NCAM2: variants seen among roughly 807,000 people sequenced by gnomAD.
The protein encoded by NCAM2 is N-CAM-2.
Under a neutral mutation model 98.1 loss-of-function variants are expected in NCAM2, and 30 were observed. The observed-to-expected ratio is 0.31, with a 90% confidence interval of 0.23 to 0.41. The LOEUF (loss-of-function observed/expected upper bound fraction) is 0.41, where lower values mean the gene tolerates loss of function less well. NCAM2 is among the 10% of genes least tolerant of loss of function. NCAM2 has a pLI of 1.00. For missense variants in NCAM2, 867 were observed against 1,005.8 expected, an observed-to-expected ratio of 0.86 and a Z score of 1.87; for synonymous variants, 368 against 342.4, an observed-to-expected ratio of 1.07 and a Z score of -0.83.
Position 21,411,374 on chromosome 21 carries a change from T to A in NCAM2, c.1383+913T>A, listed in dbSNP as rs554405942. On this transcript the variant is annotated intron_variant, in intron 10 of 17. Transcript: ENST00000400546. The stretch of plus-strand genomic sequence containing the variant: ...TCTGGCAGGTATAAATGCTATCTGT[T>A]GGCTAGATTTTTACAATTCTAGTGT... Among the ~76,000 whole-genome samples the A allele has an allele frequency of 1.8e-3, 271 of 151,086 alleles. 5 individuals carry two copies. Among genetic ancestry groups the A allele is most frequent in the East Asian group, 5.9e-4 (3 of 5,050 alleles).
At chr21:21,225,239 C>T (rs751936557) in intron 1 of NCAM2, among the ~76,000 whole-genome samples, 2 of 151,990 alleles carry the variant, frequency 1.3e-5, no homozygotes, top group Non-Finnish European at 2.9e-5. Flanking sequence ...GGGAACAACA[C>T]ACACTGGGGC....
At chr21:21,117,311 A>AT (rs1183105827) in intron 1 of NCAM2, among the ~76,000 whole-genome samples, 2 of 4,046 alleles carry the variant, frequency 4.9e-4, no homozygotes, top group African/African-American at 6.3e-4. Context: ...ATCATACACT[A>AT]TCGGTATATT....
Position 21,265,446 on chromosome 21 carries a change from AC to A in NCAM2, c.56-15131del, listed in dbSNP as rs1186853521. On this transcript the variant is annotated intron_variant, in intron 1 of 17. Coordinates refer to ENST00000400546, the MANE Select transcript of NCAM2 (RefSeq NM_004540.5). ...ATATGTGTGTATATATATTATATAT[AC>A]ACACATATATAATATATGTGTGTAT... Among the ~76,000 whole-genome samples, 25 of 5,454 alleles carry A rather than the reference AC, an allele frequency of 4.6e-3. 8 individuals are homozygous for A. Among genetic ancestry groups the A allele is most frequent in the South Asian group, 0.016 (1 of 64 alleles). 3.6% of individuals were successfully genotyped at this position (5,454 alleles called of 152,430 possible).
intron 1 of NCAM2, among the ~76,000 whole-genome samples, chr21:21,125,297 T>A (rs1408362923): frequency 2.5e-5 from 3 of 120,864 alleles, no homozygotes; most frequent in African/African-American, 8.9e-5. Context: ...TGATGTGAGA[T>A]CTAGTTCATC....
chr21:21,008,142 A>C (rs888794482), intron 1 of NCAM2, among the ~76,000 whole-genome samples: 1 of 145,860 alleles, frequency 6.9e-6, no homozygotes, highest in Non-Finnish European at 1.5e-5. Context: ...ATATACTTTG[A>C]TCAATGACAT....
chr21:21,134,984 C>T (rs1335988825), intron 1 of NCAM2, among the ~76,000 whole-genome samples: 1 of 151,764 alleles, frequency 6.6e-6, no homozygotes, highest in Non-Finnish European at 1.5e-5. Context: ...CCTGTAATCC[C>T]AGCACTTTGG....
chr21:21,367,851 A>G (rs2588657), intron 8 of NCAM2, among the ~76,000 whole-genome samples: 54,273 of 151,596 alleles, frequency 0.36, 9,917 homozygotes, highest in East Asian at 0.58. Flanking sequence ...CAGCCAGGAT[A>G]TAAGCCTATC....
chr21:21,111,664 T>C (rs972046376), intron 1 of NCAM2, among the ~76,000 whole-genome samples: 1 of 152,160 alleles, frequency 6.6e-6, no homozygotes, highest in Non-Finnish European at 1.5e-5. Context: ...AGCAAGATGC[T>C]TGGTAGATTT....
At chr21:21,148,353 C>T (rs2826710) in intron 1 of NCAM2, among the ~76,000 whole-genome samples, 13,169 of 152,150 alleles carry the variant, frequency 0.087, 790 homozygotes, top group Non-Finnish European at 0.13. Context: ...ACACAGCATG[C>T]CTAAGCAAAA....
In NCAM2 at chr21:21,035,030, C is replaced by T. The variant is rs1402194609; in HGVS notation, c.55+36412C>T. Reference sequence around the variant, plus strand: ...ACAACTGTATGAATTGGGTAAATTCCTCTCTTCTCAAGGTCTCTAAAATAT... The same window carrying T: ...ACAACTGTATGAATTGGGTAAATTCTTCTCTTCTCAAGGTCTCTAAAATAT... On this transcript the variant is annotated intron_variant, in intron 1 of 17. Transcript: ENST00000400546. 2.6e-5 allele frequency among the ~76,000 whole-genome samples: 4 copies of T among 152,222 alleles called. No homozygotes were observed. The East Asian group carries it at 7.7e-4, about 29-fold the overall frequency.
intron 5 of NCAM2, among the ~76,000 whole-genome samples, chr21:21,312,771 T>C (rs969377605): frequency 2.0e-5 from 3 of 151,962 alleles, no homozygotes; most frequent in South Asian, 2.1e-4. Context: ...TTATATTTTC[T>C]GAAAGAGATT....
chr21:21,168,965 A>G (rs1456553381), intron 1 of NCAM2, among the ~76,000 whole-genome samples: 1 of 152,176 alleles, frequency 6.6e-6, no homozygotes, highest in Non-Finnish European at 1.5e-5. Context: ...TGGAGAGGCA[A>G]AAGACCCAGA....
intron 1 of NCAM2, among the ~76,000 whole-genome samples, chr21:21,211,356 A>G (rs894673404): frequency 3.2e-4 from 49 of 152,110 alleles, no homozygotes; most frequent in Non-Finnish European, 6.5e-4. Context: ...ACTTTATTTA[A>G]TCCTTACCAT....
Position 21,466,691 on chromosome 21 carries a change from C to T in NCAM2, c.1740C>T (p.Tyr580=), listed in dbSNP as rs1171111637. 1.2e-6 allele frequency: 2 copies of T among 1,608,764 alleles called. No individual in the cohort carries two copies. The highest frequency in any genetic ancestry group is 1.7e-6 in the Non-Finnish European group (2 of 1,176,838). ...AAVNGKGQGD[Y]SKIEIFQTLP... ...TAAATGGAAAGGGACAAGGAGACTA[C>T]AGTAAAATAGAAATCTTCCAAACAT... Residue 580 remains tyrosine (Y), a synonymous_variant, in exon 13 of 18, where the codon TAC becomes TAT. Coordinates refer to ENST00000400546, the MANE Select transcript of NCAM2 (RefSeq NM_004540.5).
chr21:21,139,737 G>A (rs2067128674), intron 1 of NCAM2, among the ~76,000 whole-genome samples: 1 of 151,994 alleles, frequency 6.6e-6, no homozygotes, highest in African/African-American at 2.4e-5. Flanking sequence ...AAATGGCTAT[G>A]CATATGTACA....
At chr21:21,265,077 T>C (rs551334652) in intron 1 of NCAM2, among the ~76,000 whole-genome samples, 5 of 111,094 alleles carry the variant, frequency 4.5e-5, no homozygotes, top group Admixed American at 2.0e-4. Context: ...TGTATATATA[T>C]ACACACATAT....
chr21:21,259,288 A>G (rs1568845781), intron 1 of NCAM2, among the ~76,000 whole-genome samples: 1 of 152,184 alleles, frequency 6.6e-6, no homozygotes, highest in Admixed American at 6.5e-5. Context: ...TTTTGGTGGT[A>G]GCCACCAGAG....
intron 8 of NCAM2, among the ~76,000 whole-genome samples, chr21:21,341,602 C>T (rs1045502650): frequency 6.6e-6 from 1 of 151,724 alleles, no homozygotes; most frequent in Non-Finnish European, 1.5e-5. Context: ...TCATAAATGT[C>T]GTGTAGTAAA....
At chr21:21,505,811 A>C (rs79931778) in intron 15 of NCAM2, among the ~76,000 whole-genome samples, 4 of 152,032 alleles carry the variant, frequency 2.6e-5, no homozygotes, top group Non-Finnish European at 5.9e-5. Flanking sequence ...TTTACTTTGT[A>C]CTGGGCAATA....
Sources: gnomAD v4.1 joint callset for allele counts (sites outside exome capture counted in the v4.1 genomes callset) on GRCh38, gnomAD v4.1.1 for gene constraint, MANE v1.5 for transcripts, NCBI Gene and HGNC (gene_info 2026-07-23, HGNC 2026-07-21) for gene names.